SMYD2: variants seen among roughly 807,000 people sequenced by gnomAD.
SMYD2 encodes the protein SET and MYND domain containing 2.
A neutral mutation model predicts 59.1 loss-of-function variants in SMYD2; 53 were observed. That is an observed-to-expected ratio of 0.90 (90% CI 0.72 to 1.13). The LOEUF (loss-of-function observed/expected upper bound fraction) is 1.13, where lower values mean the gene tolerates loss of function less well. SMYD2 is among the 50% of genes most tolerant of loss of function. The probability of loss-of-function intolerance (pLI) is 0.00; values close to 1 mark genes in which losing one functional copy is unlikely to be tolerated. For missense variants in SMYD2, 494 were observed against 544.7 expected (o/e 0.91, Z 0.93); for synonymous variants, 208 against 198.8 (o/e 1.05, Z -0.39).
At chr1:214,290,743 A>G (rs1482791181) in intron 1 of SMYD2, among the ~76,000 whole-genome samples, 1 of 152,228 alleles carries the variant, frequency 6.6e-6, no homozygotes, top group African/African-American at 2.4e-5. Flanking sequence ...ACAGGTTTTT[A>G]TTAGAGCCAA....
chr1:214,329,941 T>G (rs1213174298), intron 7 of SMYD2, among the ~76,000 whole-genome samples: 1 of 152,250 alleles, frequency 6.6e-6, no homozygotes, highest in Non-Finnish European at 1.5e-5. Flanking sequence ...GCACCTTGGC[T>G]TCAGCTCCCA....
chr1:214,300,272 G>A (rs1403301598), intron 1 of SMYD2, among the ~76,000 whole-genome samples: 1 of 152,150 alleles, frequency 6.6e-6, no homozygotes, highest in Non-Finnish European at 1.5e-5. Context: ...CAGGTTCCTA[G>A]AGCACATGAT....
chr1:214,282,918 T>C (rs1313316564), intron 1 of SMYD2, among the ~76,000 whole-genome samples: 4 of 151,922 alleles, frequency 2.6e-5, no homozygotes, highest in Non-Finnish European at 5.9e-5. Context: ...TGGCTCGGAG[T>C]CTGCAGCAGC....
Position 214,281,326 on chromosome 1 carries a change from G to A in SMYD2, c.72G>A (p.Leu24=). 1 of 1,433,692 alleles carries A rather than the reference G, an allele frequency of 7.0e-7. No homozygotes were observed. Among genetic ancestry groups the A allele is most frequent in the East Asian group, 2.8e-5 (1 of 35,972 alleles). The allele number at this position is 1,433,692 out of a possible 1,614,324, so 88.8% of individuals were successfully genotyped here. A position where few individuals can be genotyped will look rare whatever the true frequency, so the allele number is the denominator to read the frequency against. Residue 24 remains leucine, a synonymous_variant, in exon 1 of 12, where the codon CTG becomes CTA. Transcript: ENST00000366957. ...GCAAAGGCCGGGGGCTGCGGGCTCT[G>A]CAGCCCTTCCAGGTGGGGGACTTGC... ...SPGKGRGLRA[L]QPFQVGDLLF...
intron 1 of SMYD2, among the ~76,000 whole-genome samples, chr1:214,291,450 G>A (rs534843310): frequency 2.6e-5 from 4 of 152,272 alleles, no homozygotes; most frequent in South Asian, 4.1e-4. Context: ...CCTCAGAAGC[G>A]AAGACTCTGT....
chr1:214,332,082 C>T lies in SMYD2; in HGVS notation c.1002C>T (p.Asp334=), dbSNP rs1481450482. 1 of 1,614,102 alleles carries T rather than the reference C, an allele frequency of 6.2e-7. No individual in the cohort carries two copies. The highest frequency in any genetic ancestry group is 2.2e-5 in the East Asian group (1 of 44,846). ...SQEKMSSVFE[D]SNVYMLHMMY... ...AGAAGATGAGCTCTGTGTTTGAGGA[C>T]AGTAACGTGTACATGTTGCACATGA... is the stretch of plus-strand genomic sequence containing the variant. The change falls in exon 10 of 12, where the codon GAC becomes GAT. Residue 334 remains aspartate, a synonymous_variant. Coordinates refer to ENST00000366957, the MANE Select transcript of SMYD2 (RefSeq NM_020197.3).
At chr1:214,287,491 G>T (rs1656568837) in intron 1 of SMYD2, among the ~76,000 whole-genome samples, 1 of 151,330 alleles carries the variant, frequency 6.6e-6, no homozygotes. Context: ...GGAGGCTGAG[G>T]CAGGAGAATC....
intron 9 of SMYD2, chr1:214,331,707 C>T (rs983590849): frequency 1.9e-5 from 5 of 260,750 alleles, no homozygotes; most frequent in Non-Finnish European, 2.9e-5. Flanking sequence ...GAGTCGTGCT[C>T]AGGGTTCCAA....
chr1:214,316,351 T>C (rs1045548855), intron 3 of SMYD2, among the ~76,000 whole-genome samples: 5 of 152,034 alleles, frequency 3.3e-5, no homozygotes, highest in African/African-American at 1.2e-4. Context: ...TGTGGTGGTA[T>C]ACACCTGTGG....
At chr1:214,294,891 A>G (rs1038234126) in intron 1 of SMYD2, among the ~76,000 whole-genome samples, 3 of 152,228 alleles carry the variant, frequency 2.0e-5, no homozygotes, top group Admixed American at 1.3e-4. Flanking sequence ...TAAGTTTTCA[A>G]GTAGTTAAAT....
intron 9 of SMYD2, 171 bp from the exon 10 acceptor site, chr1:214,331,845 ATT>A: frequency 6.3e-6 from 4 of 635,238 alleles, no homozygotes; most frequent in Non-Finnish European, 1.1e-5. Flanking sequence ...GGTTTTCTTC[ATT>A]TGTTTTTTCT....
At chr1:214,328,208 G>A (rs1571934052) in intron 7 of SMYD2, among the ~76,000 whole-genome samples, 1 of 152,134 alleles carries the variant, frequency 6.6e-6, no homozygotes, top group East Asian at 1.9e-4. Context: ...CGCAGCAGTA[G>A]CTAAAGAGCT....
rs770854780 is a variant in SMYD2 at position 214,334,185 on chromosome 1, CTT to C, written c.1113-14_1113-13del. On this transcript the variant is annotated splice_polypyrimidine_tract_variant and intron_variant, in intron 10 of 11. Transcript: ENST00000366957. Reference sequence around the variant, plus strand: ...CCGCTGACATGGTGGCCTGTTGTCTCTTCTCTTGTTCTAGTAAGCACTATCCT... The same window carrying C: ...CCGCTGACATGGTGGCCTGTTGTCTCCTCTTGTTCTAGTAAGCACTATCCT... The C allele has an allele frequency of 1.2e-6, 2 of 1,611,696 alleles. No individual in the cohort carries two copies. The highest frequency in any genetic ancestry group is 2.7e-5 in the African/African-American group (2 of 75,016).
intron 1 of SMYD2, among the ~76,000 whole-genome samples, chr1:214,300,487 A>G (rs998507495): frequency 1.3e-5 from 2 of 152,058 alleles, no homozygotes; most frequent in Non-Finnish European, 2.9e-5. Context: ...ATTTTGAAAA[A>G]TGATCCTGGA....
chr1:214,293,143 C>T (rs1163855971), intron 1 of SMYD2, among the ~76,000 whole-genome samples: 1 of 152,052 alleles, frequency 6.6e-6, no homozygotes, highest in African/African-American at 2.4e-5. Flanking sequence ...ACCTCCGCCT[C>T]CCAGGTCCAA....
At chr1:214,332,638 G>A (rs1357837093) in intron 10 of SMYD2, 1 of 154,300 alleles carries the variant, frequency 6.5e-6, no homozygotes, top group African/African-American at 2.4e-5. Context: ...TCTGGGACCA[G>A]TGGGTTGACC....
chr1:214,298,261 T>C (rs1282303261), intron 1 of SMYD2, among the ~76,000 whole-genome samples: 1 of 152,078 alleles, frequency 6.6e-6, no homozygotes, highest in African/African-American at 2.4e-5. Context: ...ACACCTACAG[T>C]CATCTAATCT....
At position 214,336,728 on chromosome 1, in the gene SMYD2, C is replaced by A; in HGVS notation, c.1246C>A (p.His416Asn). 6.2e-7 allele frequency: 1 copy of A among 1,613,708 alleles called. No homozygotes were observed. Among genetic ancestry groups the A allele is most frequent in the Non-Finnish European group, 8.5e-7 (1 of 1,179,930 alleles). Residue 416 changes from histidine (H) to asparagine (N), a missense_variant, in exon 12 of 12, where the codon CAC becomes AAC. Transcript: ENST00000366957. Reference sequence around the variant, plus strand: ...GGCCATTGCAATCATGGAAGTAGCTCACGGCAAAGATCATCCATATATTTC... The same window carrying A: ...GGCCATTGCAATCATGGAAGTAGCTAACGGCAAAGATCATCCATATATTTC... ...KKAIAIMEVA[H>N]GKDHPYISEI...
At chr1:214,295,627 C>T in intron 1 of SMYD2, among the ~76,000 whole-genome samples, 1 of 152,184 alleles carries the variant, frequency 6.6e-6, no homozygotes, top group South Asian at 2.1e-4. Context: ...TAACTTTTAA[C>T]AAGCCTCAGA....
Sources: allele counts gnomAD v4.1 joint callset (sites outside exome capture counted in the v4.1 genomes callset), GRCh38; gene constraint gnomAD v4.1.1; transcripts MANE v1.5; gene names NCBI Gene and HGNC (gene_info 2026-07-23, HGNC 2026-07-21).